The following RARS2 variants were observed in gnomAD, a reference collection of about 807,000 sequenced individuals.
RARS2 encodes the protein arginyl-tRNA synthetase 2, mitochondrial.
RARS2 carries 67 observed loss-of-function variants against 88.5 expected under a neutral mutation model. The observed-to-expected ratio is 0.76, with a 90% CI of 0.62 to 0.93. The LOEUF (loss-of-function observed/expected upper bound fraction) is 0.93, where lower values mean the gene tolerates loss of function less well. RARS2 is among the 40% of genes least tolerant of loss of function. The pLI, the probability that RARS2 is intolerant of heterozygous loss-of-function variation, is 0.00. For synonymous variants in RARS2, 239 were observed against 230.3 expected (o/e 1.04, Z -0.34); for missense variants, 664 against 684.2 (o/e 0.97, Z 0.33).
rs575977719 is a variant in RARS2 at position 87,531,776 on chromosome 6, T to A, written c.613-834A>T. On this transcript the variant is annotated intron_variant, in intron 8 of 19. Coordinates refer to ENST00000369536, the MANE Select transcript of RARS2 (RefSeq NM_020320.5). ...CAATCATTTTTCAGTCTCCAAAATA[T>A]AATGTTAATAAATGACATTAAAATA... is the stretch of plus-strand genomic sequence containing the variant. Among the ~76,000 whole-genome samples, 10 of 152,324 alleles carry A rather than the reference T, an allele frequency of 6.6e-5. No homozygotes were observed. The South Asian group carries it at 2.1e-3, about 32-fold the overall frequency.
intron 10 of RARS2, among the ~76,000 whole-genome samples, chr6:87,528,220 CTTG>C (rs1313457471): frequency 2.1e-5 from 3 of 145,872 alleles, no homozygotes; most frequent in African/African-American, 5.1e-5. Flanking sequence ...TTTCTTCACA[CTTG>C]TTAAGATGGC....
intron 16 of RARS2, 149 bp from the exon 17 acceptor site, chr6:87,518,413 AG>A (rs1021288455): frequency 2.7e-6 from 4 of 1,495,810 alleles, no homozygotes; most frequent in Non-Finnish European, 3.6e-6. Flanking sequence ...ATTTTTCGAC[AG>A]GGTTATTCTG....
At chr6:87,550,578 T>C (rs1328201288) in intron 5 of RARS2, among the ~76,000 whole-genome samples, 1 of 151,960 alleles carries the variant, frequency 6.6e-6, no homozygotes, top group Non-Finnish European at 1.5e-5. Flanking sequence ...AACAGCTCTA[T>C]ATAATTGTGG....
At chr6:87,587,068 C>G (rs951947276) in intron 1 of RARS2, among the ~76,000 whole-genome samples, 3 of 152,046 alleles carry the variant, frequency 2.0e-5, no homozygotes, top group Non-Finnish European at 4.4e-5. Flanking sequence ...GCCACCATGC[C>G]CAACTAATTT....
At chr6:87,565,963 A>G (rs1231798164) in intron 2 of RARS2, among the ~76,000 whole-genome samples, 2 of 152,236 alleles carry the variant, frequency 1.3e-5, no homozygotes, top group African/African-American at 4.8e-5. Context: ...AACCCAGTCC[A>G]CAATGACCAT....
chr6:87,574,009 C>T (rs866000620), intron 1 of RARS2, among the ~76,000 whole-genome samples: 145 of 152,176 alleles, frequency 9.5e-4, no homozygotes, highest in African/African-American at 3.4e-3. Flanking sequence ...CATTAACACC[C>T]CAAATCTGGA....
intron 11 of RARS2, among the ~76,000 whole-genome samples, chr6:87,523,043 G>T (rs145327779): frequency 5.9e-5 from 9 of 152,248 alleles, no homozygotes; most frequent in African/African-American, 2.2e-4. Flanking sequence ...GTTGCTTGGA[G>T]GAATTATAAT....
intron 1 of RARS2, among the ~76,000 whole-genome samples, chr6:87,585,994 A>G (rs1306125684): frequency 6.6e-6 from 1 of 152,226 alleles, no homozygotes; most frequent in African/African-American, 2.4e-5. Flanking sequence ...AAATGATAGA[A>G]TGGGGCATGA....
At chr6:87,535,364 C>T (rs981210940) in intron 8 of RARS2, among the ~76,000 whole-genome samples, 3 of 152,118 alleles carry the variant, frequency 2.0e-5, no homozygotes, top group African/African-American at 7.2e-5. Flanking sequence ...GGAATAGATA[C>T]TAATTCCATG....
chr6:87,558,386 T>C (rs903376620), intron 4 of RARS2, among the ~76,000 whole-genome samples: 4 of 152,158 alleles, frequency 2.6e-5, no homozygotes, highest in African/African-American at 9.7e-5. Flanking sequence ...TCAACCTCTG[T>C]AATCAATCAC....
At chr6:87,524,463 TG>T in intron 11 of RARS2, 93 bp downstream of exon 11, 1 of 977,492 alleles carries the variant, frequency 1.0e-6, no homozygotes, top group Non-Finnish European at 1.7e-6. Context: ...TCATCAGCTG[TG>T]GAATCCGATA....
intron 3 of RARS2, among the ~76,000 whole-genome samples, chr6:87,563,278 A>G (rs1442202873): frequency 2.0e-5 from 3 of 152,234 alleles, no homozygotes; most frequent in Non-Finnish European, 4.4e-5. Flanking sequence ...TGAAAAACCT[A>G]TGGAACTTGA....
intron 9 of RARS2, among the ~76,000 whole-genome samples, chr6:87,530,476 A>C (rs1392171932): frequency 6.6e-6 from 1 of 152,184 alleles, no homozygotes; most frequent in Non-Finnish European, 1.5e-5. Flanking sequence ...ATGTTTATTA[A>C]ATGAATCAGT....
rs192800065 is a variant in RARS2 at position 87,529,253 on chromosome 6, T to C, written c.878+289A>G. ...AAGATAATAAGATATATTTCCTTTT[T>C]TCAGTTATATCATTATCAGGTTATA... On this transcript the variant is annotated intron_variant, in intron 10 of 19. Transcript: ENST00000369536. 9.8e-5 allele frequency among the ~76,000 whole-genome samples: 15 copies of C among 152,322 alleles called. No individual in the cohort carries two copies. In the East Asian group the frequency reaches 2.9e-3, roughly 29 times the overall value.
At chr6:87,528,604 G>C (rs553850873) in intron 10 of RARS2, among the ~76,000 whole-genome samples, 1 of 152,322 alleles carries the variant, frequency 6.6e-6, no homozygotes, top group South Asian at 2.1e-4. Flanking sequence ...TGGATAAACT[G>C]AAAGGACATT....
At chr6:87,537,859 C>T (rs764326341) in intron 8 of RARS2, among the ~76,000 whole-genome samples, 2 of 152,190 alleles carry the variant, frequency 1.3e-5, no homozygotes, top group African/African-American at 2.4e-5. Flanking sequence ...ACTTTCTGGT[C>T]ACCTTTCTGG....
intron 8 of RARS2, among the ~76,000 whole-genome samples, chr6:87,538,806 G>A (rs1260208189): frequency 6.6e-6 from 1 of 152,136 alleles, no homozygotes; most frequent in Non-Finnish European, 1.5e-5. Context: ...GTTTGAGGCA[G>A]GAGGACTGTT....
At chr6:87,559,158 C>CAA (rs1402451895) in intron 4 of RARS2, among the ~76,000 whole-genome samples, 1 of 149,906 alleles carries the variant, frequency 6.7e-6, no homozygotes, top group Non-Finnish European at 1.5e-5. Context: ...GCTGTTATTA[C>CAA]AAAACAGCTG....
In RARS2 at chr6:87,562,097, T is replaced by G. The variant is rs11756368; in HGVS notation, c.297+605A>C. 2.0e-3 allele frequency among the ~76,000 whole-genome samples: 304 copies of G among 152,320 alleles called. 3 individuals are homozygous for G. Among genetic ancestry groups the G allele is most frequent in the Middle Eastern group, 0.014 (4 of 294 alleles). On this transcript the variant is annotated intron_variant, in intron 4 of 19. Transcript: ENST00000369536. Reference sequence around the variant, plus strand: ...CTCCCACCTCAGCCTCCAGAGCAGTTGGGACTACAGGCGCAAACTATCATG... The same window carrying G: ...CTCCCACCTCAGCCTCCAGAGCAGTGGGGACTACAGGCGCAAACTATCATG...
Sources: gnomAD v4.1 joint callset for allele counts (sites outside exome capture counted in the v4.1 genomes callset) on GRCh38, gnomAD v4.1.1 for gene constraint, MANE v1.5 for transcripts, NCBI Gene and HGNC (gene_info 2026-07-23, HGNC 2026-07-21) for gene names.